Variants in CTNNA2 observed in about 807,000 individuals in gnomAD.
The protein encoded by CTNNA2 is catenin alpha 2, also known as catenin alpha-2.
In CTNNA2, 42 loss-of-function variants were observed where a neutral mutation model predicts 101.0. The ratio of observed to expected loss-of-function variants is 0.42; its 90% CI spans 0.32 to 0.54. CTNNA2 has a LOEUF of 0.54. Ranked by LOEUF, CTNNA2 falls within the 20% of genes least tolerant of loss-of-function variation. The probability of loss-of-function intolerance (pLI) is 0.14; values close to 1 mark genes in which losing one functional copy is unlikely to be tolerated. For synonymous variants in CTNNA2, 450 were observed against 456.4 expected, an observed-to-expected ratio of 0.99 and a Z score of 0.18; for missense variants, 871 against 1,223.1, an observed-to-expected ratio of 0.71 and a Z score of 4.29.
At chr2:79,672,526 C>G (rs941079433) in intron 2 of CTNNA2, among the ~76,000 whole-genome samples, 1 of 151,828 alleles carries the variant, frequency 6.6e-6, no homozygotes, top group Non-Finnish European at 1.5e-5. Context: ...AAAAAGTCAA[C>G]AAGTCAACAT....
chr2:80,103,567 C>T (rs930790549), intron 7 of CTNNA2, among the ~76,000 whole-genome samples: 2 of 152,162 alleles, frequency 1.3e-5, no homozygotes, highest in African/African-American at 2.4e-5. Flanking sequence ...GCTCTGACTG[C>T]CTGCAAGTTA....
chr2:79,474,480 C>G (rs1045740814), intron 4 of CTNNA2, among the ~76,000 whole-genome samples: 1 of 151,970 alleles, frequency 6.6e-6, no homozygotes, highest in Non-Finnish European at 1.5e-5. Context: ...TCTGTGCTTG[C>G]TAGGAGTTAA....
At chr2:79,421,391 G>GA (rs1258419501) in intron 4 of CTNNA2, among the ~76,000 whole-genome samples, 1 of 151,856 alleles carries the variant, frequency 6.6e-6, no homozygotes, top group Non-Finnish European at 1.5e-5. Context: ...TAGGCTGTAA[G>GA]AAAAAAAATT....
intron 1 of CTNNA2, among the ~76,000 whole-genome samples, chr2:79,580,765 G>T (rs964659776): frequency 2.6e-5 from 4 of 152,112 alleles, no homozygotes; most frequent in African/African-American, 9.7e-5. Flanking sequence ...CCAAAGCTCT[G>T]GTTGACCTTT....
chr2:79,295,416 G>T (rs1447715000), intron 2 of CTNNA2, among the ~76,000 whole-genome samples: 2 of 152,114 alleles, frequency 1.3e-5, no homozygotes, highest in Non-Finnish European at 2.9e-5. Context: ...AAAAGGCCAT[G>T]GACAAGAGAA....
intron 1 of CTNNA2, among the ~76,000 whole-genome samples, chr2:79,567,545 A>G (rs928626056): frequency 6.6e-6 from 1 of 152,022 alleles, no homozygotes; most frequent in East Asian, 1.9e-4. Flanking sequence ...CCAAATATGT[A>G]AGGGCCAACT....
intron 9 of CTNNA2, among the ~76,000 whole-genome samples, chr2:80,436,132 G>T (rs185266608): frequency 6.6e-6 from 1 of 152,272 alleles, no homozygotes; most frequent in East Asian, 1.9e-4. Context: ...CTAGAGTCAC[G>T]GTCATCGACA....
chr2:79,738,011 A>G (rs960378359), intron 2 of CTNNA2, among the ~76,000 whole-genome samples: 1 of 152,234 alleles, frequency 6.6e-6, no homozygotes, highest in Non-Finnish European at 1.5e-5. Context: ...CTTAAAATAC[A>G]ACATATCGCA....
intron 7 of CTNNA2, among the ~76,000 whole-genome samples, chr2:80,279,671 T>G (rs1207539211): frequency 6.6e-6 from 1 of 151,970 alleles, no homozygotes; most frequent in African/African-American, 2.4e-5. Flanking sequence ...ATCAATAGAG[T>G]CAATTTCTGT....
At chr2:79,322,196 A>G (rs1676640622) in intron 3 of CTNNA2, among the ~76,000 whole-genome samples, 1 of 152,202 alleles carries the variant, frequency 6.6e-6, no homozygotes, top group South Asian at 2.1e-4. Context: ...AGGAACTAAG[A>G]TAATTGTCAT....
At chr2:80,537,619 G>C (rs1308126142) in intron 9 of CTNNA2, among the ~76,000 whole-genome samples, 1 of 151,442 alleles carries the variant, frequency 6.6e-6, no homozygotes, top group East Asian at 1.9e-4. Flanking sequence ...TTGAAACGGG[G>C]TTTTACTTTT....
chr2:79,767,501 T>C (rs1673249403), intron 3 of CTNNA2, among the ~76,000 whole-genome samples: 1 of 152,122 alleles, frequency 6.6e-6, no homozygotes, highest in Non-Finnish European at 1.5e-5. Flanking sequence ...TGGGAAGGCT[T>C]TCCAGATATT....
At chr2:79,416,027 C>A (rs62159396) in intron 4 of CTNNA2, among the ~76,000 whole-genome samples, 2 of 151,928 alleles carry the variant, frequency 1.3e-5, no homozygotes, top group Non-Finnish European at 2.9e-5. Flanking sequence ...TAGATAAACA[C>A]GGCAGGTAAA....
chr2:79,401,436 A>T (rs140063395), intron 4 of CTNNA2, among the ~76,000 whole-genome samples: 2 of 151,788 alleles, frequency 1.3e-5, no homozygotes, highest in Non-Finnish European at 1.5e-5. Flanking sequence ...ATGCATAAAG[A>T]TGTATTTTGG....
chr2:80,001,992 C>T (rs1050776762), intron 7 of CTNNA2, among the ~76,000 whole-genome samples: 5 of 152,222 alleles, frequency 3.3e-5, no homozygotes. Context: ...ACATACCTCT[C>T]TGTACTTCCA....
chr2:79,417,801 T>A (rs951603578), intron 4 of CTNNA2, among the ~76,000 whole-genome samples: 3 of 152,232 alleles, frequency 2.0e-5, no homozygotes, highest in South Asian at 4.1e-4. Context: ...GTGTGTTGTA[T>A]TTTACCCACC....
chr2:79,946,341 T>C (rs2916484), intron 7 of CTNNA2, among the ~76,000 whole-genome samples: 139,439 of 152,074 alleles, frequency 0.92, 63,993 homozygotes, highest in East Asian at 0.95. Context: ...GAATGATCTA[T>C]ACTTCACAAT....
At chr2:79,989,866 C>T (rs919972633) in intron 7 of CTNNA2, among the ~76,000 whole-genome samples, 2 of 152,144 alleles carry the variant, frequency 1.3e-5, no homozygotes, top group African/African-American at 4.8e-5. Flanking sequence ...TCTTGGTAAT[C>T]CAGTAGCTGA....
chr2:80,466,569 C>A (rs1684870012), intron 9 of CTNNA2, among the ~76,000 whole-genome samples: 2 of 152,038 alleles, frequency 1.3e-5, no homozygotes, highest in Admixed American at 1.3e-4. Context: ...AAAAAAGAAA[C>A]CTTTTTCAAA....
Sources: allele counts gnomAD v4.1 joint callset (sites outside exome capture counted in the v4.1 genomes callset), GRCh38; gene constraint gnomAD v4.1.1; transcripts MANE v1.5; gene names NCBI Gene and HGNC (gene_info 2026-07-23, HGNC 2026-07-21).